The following SAFB2 variants were observed in gnomAD, a reference collection of about 807,000 sequenced individuals.
SAFB2 encodes the protein scaffold attachment factor B2.
Under a neutral mutation model 100.6 loss-of-function variants are expected in SAFB2, and 32 were observed. That is an observed-to-expected ratio of 0.32 (90% confidence interval 0.24 to 0.43). The LOEUF is 0.43. SAFB2 is among the 20% of genes least tolerant of loss of function. SAFB2 has a pLI of 1.00. For synonymous variants in SAFB2, 500 were observed against 439.4 expected, an observed-to-expected ratio of 1.14 and a Z score of -1.72; for missense variants, 1,185 against 1,163.4, an observed-to-expected ratio of 1.02 and a Z score of -0.27.
chr19:5,621,314 A>C lies in SAFB2; in HGVS notation c.269T>G (p.Val90Gly). 1 of 1,605,378 alleles carries C rather than the reference A, an allele frequency of 6.2e-7. No individual in the cohort carries two copies. The highest frequency in any genetic ancestry group is 8.5e-7 in the Non-Finnish European group (1 of 1,172,050). ...AAGCAGCATATGTACAATACCTTTA[A>C]CACATCTCTTGGCTGACTTCTTGCT... ...ATSKKSAKRC[V>G]KGLKMEEEGT... Residue 90 changes from valine to glycine, a missense_variant, in exon 2 of 21, where the codon GTT (valine) becomes GGT (glycine). By Grantham distance (109) the Val-to-Gly change is moderately radical. Transcript: ENST00000252542.
At chr19:5,614,240 A>T (rs1193503509) in intron 4 of SAFB2, among the ~76,000 whole-genome samples, 1 of 152,188 alleles carries the variant, frequency 6.6e-6, no homozygotes, top group Non-Finnish European at 1.5e-5. Context: ...GGTGTGAGCC[A>T]CCGCGCCTGG....
intron 5 of SAFB2, 105 bp from the exon 6 acceptor site, chr19:5,612,672 T>C: frequency 1.2e-6 from 1 of 867,806 alleles, no homozygotes; most frequent in Non-Finnish European, 1.9e-6. Flanking sequence ...AATGCCTGTT[T>C]CCACAAAACT....
chr19:5,610,378 G>C (rs2052883071), intron 8 of SAFB2: 2 of 585,716 alleles, frequency 3.4e-6, no homozygotes, highest in African/African-American at 1.9e-5. Context: ...TAAAATCCTT[G>C]AAACAGTCTT....
intron 18 of SAFB2, among the ~76,000 whole-genome samples, chr19:5,589,281 G>A (rs1255924963): frequency 6.6e-6 from 1 of 152,192 alleles, no homozygotes; most frequent in African/African-American, 2.4e-5. Context: ...AAGTCTCACA[G>A]GAGAGAACAC....
chr19:5,607,936 G>A (rs1273303047), intron 9 of SAFB2, among the ~76,000 whole-genome samples: 1 of 152,218 alleles, frequency 6.6e-6, no homozygotes, highest in Non-Finnish European at 1.5e-5. Flanking sequence ...GAGAAACACA[G>A]ATGCCACTTC....
Position 5,616,531 on chromosome 19 carries a change from C to T in SAFB2, c.275-45G>A, listed in dbSNP as rs778682956. 4 of 1,503,408 alleles carry T rather than the reference C, an allele frequency of 2.7e-6. No homozygotes were observed. In the South Asian group the frequency reaches 3.4e-5, roughly 13 times the overall value. 93.1% of individuals were successfully genotyped at this position (1,503,408 alleles called of 1,614,324 possible). A position where few individuals can be genotyped will look rare whatever the true frequency, so the allele number is the denominator to read the frequency against. On this transcript the variant is annotated intron_variant, in intron 2 of 20. Coordinates refer to ENST00000252542, the MANE Select transcript of SAFB2 (RefSeq NM_014649.3). ...TCAATCAGATAACACTCAAGTTCTACCTCATAATTAGTTTATGCAGAATAG... is the reference window on the plus strand; with the variant it reads ...TCAATCAGATAACACTCAAGTTCTATCTCATAATTAGTTTATGCAGAATAG...
chr19:5,598,653 C>T (rs552866172), intron 13 of SAFB2, 140 bp downstream of exon 13: 96 of 698,964 alleles, frequency 1.4e-4, no homozygotes, highest in African/African-American at 3.5e-4. Flanking sequence ...TGTCTGTATC[C>T]GCAATCTACA....
intron 4 of SAFB2, among the ~76,000 whole-genome samples, chr19:5,614,705 C>A (rs1030488037): frequency 6.6e-6 from 1 of 152,178 alleles, no homozygotes; most frequent in African/African-American, 2.4e-5. Context: ...AAGATCAGCT[C>A]GAAGACACTG....
chr19:5,608,724 C>A (rs1447474031), intron 9 of SAFB2, among the ~76,000 whole-genome samples: 3 of 152,176 alleles, frequency 2.0e-5, no homozygotes, highest in African/African-American at 7.2e-5. Context: ...CCCAGAGGCA[C>A]CCAGGAGACC....
Position 5,587,213 on chromosome 19 carries a change from G to A in SAFB2, c.*30C>T, listed in dbSNP as rs1350113385. 2 of 1,606,068 alleles carry A rather than the reference G, an allele frequency of 1.2e-6. No homozygotes were observed. Among genetic ancestry groups the A allele is most frequent in the South Asian group, 1.1e-5 (1 of 90,922 alleles). ...GGCTACCAGATTCAACAGTGCGTCT[G>A]CCCACCCGAAAACTCGCAGCGAGTG... is the stretch of plus-strand genomic sequence containing the variant. On this transcript the variant is annotated 3_prime_UTR_variant, in exon 21 of 21. Coordinates refer to ENST00000252542, the MANE Select transcript of SAFB2 (RefSeq NM_014649.3). The surrounding 1 kb of genome is among the most constrained non-coding windows in gnomAD (Gnocchi z 4.9).
chr19:5,611,889 T>TTGA, intron 6 of SAFB2: 1 of 607,104 alleles, frequency 1.6e-6, no homozygotes, highest in Non-Finnish European at 3.0e-6. Context: ...CGGCTGGTTC[T>TTGA]CAATAGTCTT....
intron 2 of SAFB2, among the ~76,000 whole-genome samples, 161 bp from the exon 3 acceptor site, chr19:5,616,647 T>TC (rs2053039330): frequency 7.9e-6 from 1 of 126,356 alleles, no homozygotes; most frequent in African/African-American, 3.1e-5. Flanking sequence ...TGTTTTCTTT[T>TC]TTTTTTTTTT....
chr19:5,602,524 A>G (rs1314232535), intron 11 of SAFB2, among the ~76,000 whole-genome samples: 1 of 144,552 alleles, frequency 6.9e-6, no homozygotes, highest in African/African-American at 2.5e-5. Flanking sequence ...TCCATCACCC[A>G]GTTAAGAGCC....
intron 9 of SAFB2, among the ~76,000 whole-genome samples, chr19:5,606,601 C>G (rs1599258645): frequency 6.6e-6 from 1 of 152,086 alleles, no homozygotes; most frequent in Non-Finnish European, 1.5e-5. Context: ...CTGGGTGACA[C>G]AGTGAGATCC....
At chr19:5,604,762 T>C in intron 10 of SAFB2, 25 bp downstream of exon 10, 1 of 1,613,942 alleles carries the variant, frequency 6.2e-7, no homozygotes, top group Non-Finnish European at 8.5e-7. Context: ...CATTTGCGAG[T>C]TACCATAGAC....
Position 5,604,804 on chromosome 19 carries a change from T to G in SAFB2, c.1429A>C (p.Met477Leu), listed in dbSNP as rs1329252982. Residue 477 changes from methionine (M) to leucine (L), a missense_variant, in exon 10 of 21, where the codon ATG becomes CTG. Around this residue, in one of 3 missense-constraint regions of SAFB2, gnomAD observed 94 missense variants for 135.1 expected, o/e 0.70. Coordinates refer to ENST00000252542, the MANE Select transcript of SAFB2 (RefSeq NM_014649.3). Reference protein sequence around the residue: ...HLHRTELHGRMISVEKAKNEP... With the variant: ...HLHRTELHGRLISVEKAKNEP... Reference sequence around the variant, plus strand: ...TGCCTCACCTTCTCTACGGAGATCATTCGTCCATGCAGCTCAGTTCTGTGG... The same window carrying G: ...TGCCTCACCTTCTCTACGGAGATCAGTCGTCCATGCAGCTCAGTTCTGTGG... 4.3e-6 allele frequency: 7 copies of G among 1,614,066 alleles called. No homozygotes were observed. Among genetic ancestry groups the G allele is most frequent in the African/African-American group, 4.0e-5 (3 of 74,938 alleles).
intron 9 of SAFB2, 30 bp downstream of exon 9, chr19:5,609,965 G>A: frequency 1.3e-6 from 2 of 1,579,608 alleles, no homozygotes; most frequent in Non-Finnish European, 1.7e-6. Flanking sequence ...CTGAATCACA[G>A]TGGATGGTAT....
intron 11 of SAFB2, 42 bp from the exon 12 acceptor site, chr19:5,600,302 CTG>C (rs2052628273): frequency 4.4e-6 from 7 of 1,604,288 alleles, no homozygotes; most frequent in Non-Finnish European, 5.1e-6. Flanking sequence ...TCACAAGACT[CTG>C]TAACAGGAAC....
At position 5,610,019 on chromosome 19, in the gene SAFB2, C is replaced by G; in HGVS notation, c.1272G>C (p.Lys424Asn). 1 of 1,614,140 alleles carries G rather than the reference C, an allele frequency of 6.2e-7. No homozygotes were observed. Residue 424 changes from lysine to asparagine, a missense_variant, in exon 9 of 21, where the codon AAG becomes AAC. Lys to Asn is a moderately conservative substitution (Grantham distance 94). Around this residue, in one of 3 missense-constraint regions of SAFB2, gnomAD observed 94 missense variants for 135.1 expected, o/e 0.70. Transcript: ENST00000252542. ...CCTTCCCATACTTGCTGAAAAGGTT[C>G]TTGAGATCCGTAGCGCGTGTTGTGG... ...LSSTTRATDL[K>N]NLFSKYGKVV...
Sources: allele counts gnomAD v4.1 joint callset (sites outside exome capture counted in the v4.1 genomes callset), GRCh38; gene constraint gnomAD v4.1.1; regional missense constraint gnomAD v4.1.1; non-coding constraint Gnocchi (gnomAD v3.1); transcripts MANE v1.5; gene names NCBI Gene and HGNC (gene_info 2026-07-23, HGNC 2026-07-21).